ADGRL2: variants seen among roughly 807,000 people sequenced by gnomAD.
The protein encoded by ADGRL2 is calcium-independent alpha-latrotoxin receptor 2.
Under a neutral mutation model 157.4 loss-of-function variants are expected in ADGRL2, and 44 were observed. The observed-to-expected ratio is 0.28, with a 90% CI of 0.22 to 0.36. The LOEUF (loss-of-function observed/expected upper bound fraction) is 0.36, where lower values mean the gene tolerates loss of function less well. ADGRL2 is among the 10% of genes least tolerant of loss of function. ADGRL2 has a pLI of 1.00. For synonymous variants in ADGRL2, 585 were observed against 624.7 expected (o/e 0.94, Z 0.95); for missense variants, 1,510 against 1,768.9 (o/e 0.85, Z 2.63).
intron 1 of ADGRL2, among the ~76,000 whole-genome samples, chr1:81,326,648 A>C (rs1252636193): frequency 6.6e-6 from 1 of 152,220 alleles, no homozygotes; most frequent in Non-Finnish European, 1.5e-5. Flanking sequence ...AGGGACAGAA[A>C]TATATAAAGC....
chr1:81,818,068 G>A (rs1258561484), intron 1 of ADGRL2, among the ~76,000 whole-genome samples: 1 of 152,042 alleles, frequency 6.6e-6, no homozygotes, highest in African/African-American at 2.4e-5. Context: ...CAGCCACTCA[G>A]GAGAAGTGGG....
chr1:81,524,318 A>G (rs934250814), intron 2 of ADGRL2, among the ~76,000 whole-genome samples: 4 of 152,220 alleles, frequency 2.6e-5, no homozygotes, highest in African/African-American at 7.2e-5. Flanking sequence ...GTGAGCCGAG[A>G]TCGAGCCACT....
intron 6 of ADGRL2, among the ~76,000 whole-genome samples, chr1:81,944,525 G>A (rs1195700243): frequency 1.3e-5 from 2 of 151,932 alleles, no homozygotes; most frequent in African/African-American, 2.4e-5. Flanking sequence ...GATGATAAAC[G>A]AATACTTCAT....
intron 2 of ADGRL2, among the ~76,000 whole-genome samples, chr1:81,881,736 T>G (rs1487482160): frequency 1.3e-5 from 2 of 152,184 alleles, no homozygotes; most frequent in African/African-American, 2.4e-5. Context: ...GAGTATTTAC[T>G]TATATATCCT....
chr1:81,858,172 GTA>G (rs1420988717), intron 2 of ADGRL2, among the ~76,000 whole-genome samples: 20 of 152,064 alleles, frequency 1.3e-4, no homozygotes, highest in African/African-American at 4.3e-4. Context: ...CTAAAACTCA[GTA>G]TTATTCTTTT....
intron 1 of ADGRL2, among the ~76,000 whole-genome samples, chr1:81,748,734 C>G (rs1342473502): frequency 6.6e-6 from 1 of 151,754 alleles, no homozygotes; most frequent in Non-Finnish European, 1.5e-5. Flanking sequence ...GTGGCATGAT[C>G]TCGGCTCAGT....
In ADGRL2 at chr1:81,809,810, A is replaced by G. The variant is rs1207757831; in HGVS notation, c.-101+8742A>G. ...AGGAAGTTCAAAATGTAAAATATGT[A>G]TGATTAAGATATCTCTTTTAAAACT... On this transcript the variant is annotated intron_variant, in intron 1 of 23. Coordinates refer to ENST00000686636, the MANE Select transcript of ADGRL2 (RefSeq NM_001366006.2). Among the ~76,000 whole-genome samples, 8 of 152,036 alleles carry G rather than the reference A, an allele frequency of 5.3e-5. 1 individual carries two copies. The South Asian group carries it at 8.3e-4, about 16-fold the overall frequency.
chr1:81,473,984 G>A (rs1379901252), intron 2 of ADGRL2, among the ~76,000 whole-genome samples: 1 of 152,240 alleles, frequency 6.6e-6, no homozygotes, highest in Non-Finnish European at 1.5e-5. Flanking sequence ...GCCTGTTGCA[G>A]TTGGAAAGAC....
chr1:81,670,372 G>C (rs1355069393), intron 3 of ADGRL2, among the ~76,000 whole-genome samples: 1 of 152,146 alleles, frequency 6.6e-6, no homozygotes, highest in African/African-American at 2.4e-5. Flanking sequence ...ACTGTATTCT[G>C]CTCTCAATCT....
rs1308239411 is a variant in ADGRL2, at chr1:81,784,555, C to G, written c.-101+22703C>G. Among the ~76,000 whole-genome samples the G allele has an allele frequency of 3.3e-5, 5 of 152,094 alleles. No individual in the cohort carries two copies. The East Asian group carries it at 9.7e-4, about 30-fold the overall frequency. On this transcript the variant is annotated intron_variant, in intron 2 of 20. Coordinates refer to the ADGRL2 transcript ENST00000359929. ...CCAATCTGGCCAACATGGTGAAACC[C>G]TATCTTTACTAAAAATGCAAAAATT...
At chr1:81,397,758 T>A (rs755654447) in intron 1 of ADGRL2, among the ~76,000 whole-genome samples, 1 of 152,354 alleles carries the variant, frequency 6.6e-6, no homozygotes, top group South Asian at 2.1e-4. Context: ...GAATGTTTGA[T>A]GTGCTGATAA....
chr1:81,680,792 G>A (rs990133502), intron 3 of ADGRL2, among the ~76,000 whole-genome samples: 1 of 152,110 alleles, frequency 6.6e-6, no homozygotes, highest in Non-Finnish European at 1.5e-5. Context: ...CACCTGCAAT[G>A]TTGGGAACAT....
At chr1:81,344,322 G>T (rs1010906744) in intron 1 of ADGRL2, among the ~76,000 whole-genome samples, 14 of 152,140 alleles carry the variant, frequency 9.2e-5, no homozygotes, top group African/African-American at 2.9e-4. Context: ...TACAAATCAG[G>T]TTTAATTTAT....
chr1:81,617,762 G>A (rs954301491), intron 3 of ADGRL2, among the ~76,000 whole-genome samples: 5 of 152,302 alleles, frequency 3.3e-5, no homozygotes, highest in South Asian at 2.1e-4. Flanking sequence ...CATTGCAAGC[G>A]CCATTCCTGT....
At chr1:81,560,453 A>G (rs1204262412) in intron 2 of ADGRL2, among the ~76,000 whole-genome samples, 1 of 152,188 alleles carries the variant, frequency 6.6e-6, no homozygotes, top group Admixed American at 6.5e-5. Context: ...CCTGTTCAAT[A>G]GCGGCCTAGA....
At chr1:81,825,850 A>C (rs773018370) in intron 1 of ADGRL2, among the ~76,000 whole-genome samples, 7 of 152,068 alleles carry the variant, frequency 4.6e-5, no homozygotes, top group Non-Finnish European at 1.0e-4. Context: ...TTTATGGTTT[A>C]GGGTGAAATT....
Position 81,704,435 on chromosome 1 carries a change from G to T in ADGRL2, c.-143+4627G>T, listed in dbSNP as rs944272519. 2.4e-4 allele frequency among the ~76,000 whole-genome samples: 37 copies of T among 152,168 alleles called. 1 individual carries two copies. The highest frequency in any genetic ancestry group is 8.2e-4 in the African/African-American group (34 of 41,442). ...GGCGGGCCTGGATATGGTCTAACAG[G>T]GGCGCTGAGCATTGAGATTCCTGGA... On this transcript the variant is annotated intron_variant, in intron 1 of 20. Transcript: ENST00000359929.
chr1:81,567,504 A>C (rs2080590190), intron 2 of ADGRL2, among the ~76,000 whole-genome samples: 1 of 152,166 alleles, frequency 6.6e-6, no homozygotes, highest in African/African-American at 2.4e-5. Flanking sequence ...GCTGAAAATA[A>C]GATAGAACTT....
intron 3 of ADGRL2, among the ~76,000 whole-genome samples, chr1:81,922,056 C>CT (rs2094993416): frequency 1.3e-5 from 2 of 152,272 alleles, no homozygotes; most frequent in Non-Finnish European, 2.9e-5. Context: ...AAAACAGTGA[C>CT]TAACCCCTCA....
Sources: gnomAD v4.1 joint callset for allele counts (sites outside exome capture counted in the v4.1 genomes callset) on GRCh38, gnomAD v4.1.1 for gene constraint, MANE v1.5 for transcripts, NCBI Gene and HGNC (gene_info 2026-07-23, HGNC 2026-07-21) for gene names.